Variants in MAGED2 observed in about 807,000 individuals in gnomAD.
MAGED2 encodes melanoma-associated antigen D2.
MAGED2 carries 6 observed loss-of-function variants against 41.7 expected under a neutral mutation model. The ratio of observed to expected loss-of-function variants is 0.14; its 90% CI spans 0.08 to 0.28. MAGED2 has a LOEUF of 0.28. Among genes scored for constraint, MAGED2 ranks in the 10% least tolerant of loss-of-function variants. The pLI is 1.00. For synonymous variants in MAGED2, 146 were observed against 178.2 expected (o/e 0.82, Z 1.44); for missense variants, 343 against 486.4 (o/e 0.71, Z 2.77).
chrX:54,815,289 A>T lies in MAGED2; in HGVS notation c.1428A>T (p.Arg476=), dbSNP rs1183540131. Residue 476 remains arginine, a synonymous_variant, in exon 12 of 13, where the codon CGA becomes CGT. Transcript: ENST00000375068. Reference sequence around the variant, plus strand: ...CCAAGGAATGGGCAGCTCAGTACCGAGAGGCGATGGAAGCGGATTTGAAGG... The same window carrying T: ...CCAAGGAATGGGCAGCTCAGTACCGTGAGGCGATGGAAGCGGATTTGAAGG... ...KDPKEWAAQY[R]EAMEADLKAA... is the part of the protein sequence containing the mutation. The T allele has an allele frequency of 8.6e-7, 1 of 1,167,427 alleles. No individual in the cohort carries two copies. Among genetic ancestry groups the T allele is most frequent in the South Asian group, 2.0e-5 (1 of 50,143 alleles).
Position 54,815,513 on chromosome X carries a change from C to A in MAGED2, c.1652C>A (p.Ala551Asp). The stretch of plus-strand genomic sequence containing the variant: ...GAGAGTGGCAGTGCCAGCACTGGTG[C>A]CAGTACCAGTACCAATAACAGTGCC... ...AQESGSASTG[A>D]STSTNNSASA... The change falls in exon 12 of 13, where the codon GCC becomes GAC. Residue 551 changes from alanine (A) to aspartate (D), a missense_variant. Ala to Asp is a moderately radical substitution (Grantham distance 126). Around this residue, in one of 3 missense-constraint regions of MAGED2, gnomAD observed 53 missense variants for 60.4 expected, o/e 0.88. Transcript: ENST00000375068. The A allele has an allele frequency of 8.4e-7, 1 of 1,190,281 alleles. No homozygotes were observed. The highest frequency in any genetic ancestry group is 2.3e-5 in the Admixed American group (1 of 43,681).
At position 54,813,491 on chromosome X, in the gene MAGED2, A is replaced by G. The variant is rs141904298; in HGVS notation, c.1212A>G (p.Ile404Met). ...ATTTTTCTTTTTCTTCTCTCAGGAT[A>G]CATCATTCACTCTTTGGGGACGTGA... The part of the protein sequence containing the change: ...VLRKLGLRPG[I>M]HHSLFGDVKK... Residue 404 changes from isoleucine (I) to methionine (M), a missense_variant, in exon 10 of 13, where the codon ATA becomes ATG. Around this residue, in one of 3 missense-constraint regions of MAGED2, gnomAD observed 95 missense variants for 204.8 expected, o/e 0.46. Coordinates refer to ENST00000375068, the MANE Select transcript of MAGED2 (RefSeq NM_177433.3). 86 of 1,200,265 alleles carry G rather than the reference A, an allele frequency of 7.2e-5. No individual in the cohort carries two copies. The highest frequency in any genetic ancestry group is 2.8e-4 in the Admixed American group (13 of 45,792).
chrX:54,812,734 A>G (rs778803180), intron 7 of MAGED2, among the ~76,000 whole-genome samples: 1 of 112,508 alleles, frequency 8.9e-6, no homozygotes, highest in Admixed American at 9.4e-5. Flanking sequence ...AACCCAGGGA[A>G]GGGAAAATAT....
chrX:54,813,650 T>C, intron 10 of MAGED2, 100 bp downstream of exon 10: 1 of 693,699 alleles, frequency 1.4e-6, no homozygotes, highest in Non-Finnish European at 2.2e-6. Context: ...TCTATGTGTG[T>C]ATGTATTTGC....
chrX:54,809,260 C>T (rs1016439776), intron 1 of MAGED2, 43 bp from the exon 2 acceptor site: 2 of 1,068,153 alleles, frequency 1.9e-6, no homozygotes, highest in Non-Finnish European at 2.6e-6. Flanking sequence ...GGGGAGAGGA[C>T]GTTCAGTGGG....
At position 54,809,436 on chromosome X, in the gene MAGED2, C is replaced by T. The variant is rs41315090; in HGVS notation, c.45+60C>T. ...TTCCTCTCCAGCCCTTGTTGCTGCC[C>T]CCAAGTCCCTTGGCTCTTCCCCTCC... On this transcript the variant is annotated intron_variant, in intron 2 of 12. Transcript: ENST00000375068. 7.8e-3 allele frequency: 8,400 copies of T among 1,075,972 alleles called. 27 individuals are homozygous for T. Among genetic ancestry groups the T allele is most frequent in the Non-Finnish European group, 9.3e-3 (7,174 of 773,643 alleles). 88.7% of individuals were successfully genotyped at this position (1,075,972 alleles called of 1,213,427 possible). A position where few individuals can be genotyped will look rare whatever the true frequency, so the allele number is the denominator to read the frequency against.
chrX:54,811,727 CG>C (rs1557216543), intron 6 of MAGED2, 74 bp downstream of exon 6: 1 of 791,997 alleles, frequency 1.3e-6, no homozygotes, highest in Non-Finnish European at 1.9e-6. Flanking sequence ...AGTCCCTTCT[CG>C]GGAACCAAAG....
chrX:54,814,323 G>T (rs1433077919), intron 10 of MAGED2: 1 of 410,765 alleles, frequency 2.4e-6, no homozygotes, highest in Non-Finnish European at 4.6e-6. Flanking sequence ...ATTTTCTGTG[G>T]TGGACCTTTC....
At chrX:54,815,750 G>A (rs1219733305) in intron 12 of MAGED2, 60 bp downstream of exon 12, 20 of 834,550 alleles carry the variant, frequency 2.4e-5, no homozygotes, top group Non-Finnish European at 3.4e-5. Flanking sequence ...TGAGGAGCTG[G>A]ATGATTCTAG....
intron 10 of MAGED2, 108 bp downstream of exon 10, chrX:54,813,658 T>G (rs184491586): frequency 4.7e-6 from 3 of 632,885 alleles, no homozygotes; most frequent in Non-Finnish European, 7.6e-6. Flanking sequence ...TGTATGTATT[T>G]GCATATTTGC....
At chrX:54,812,619 A>G (rs1157607058) in intron 7 of MAGED2, among the ~76,000 whole-genome samples, 1 of 112,006 alleles carries the variant, frequency 8.9e-6, no homozygotes, top group Non-Finnish European at 1.9e-5. Flanking sequence ...CATGAAGCGC[A>G]GGAGTGTCAG....
chrX:54,815,803 A>T (rs1267563409), intron 12 of MAGED2, 78 bp from the exon 13 acceptor site: 3 of 493,850 alleles, frequency 6.1e-6, no homozygotes, highest in African/African-American at 4.8e-5. Flanking sequence ...GTGCCAAGAC[A>T]CTGCTTTTGG....
chrX:54,811,010 C>A lies in MAGED2; in HGVS notation c.727C>A (p.Leu243Ile). ...RLAAWARRALLSLRSPKARRG... is the reference protein window; with the variant it reads ...RLAAWARRALISLRSPKARRG... ...GGCTGCTTGGGCCCGGAGAGCCTTG[C>A]TCTCCCTGAGATCACCTAAAGCCCG... The change falls in exon 4 of 13, where the codon CTC (leucine) becomes ATC (isoleucine). Residue 243 changes from leucine (L) to isoleucine (I), a missense_variant. Physicochemically the swap from Leu to Ile is conservative, Grantham distance 5. Around this residue, in one of 3 missense-constraint regions of MAGED2, gnomAD observed 195 missense variants for 221.2 expected, o/e 0.88. Transcript: ENST00000375068. The A allele has an allele frequency of 8.3e-7, 1 of 1,200,568 alleles. No individual in the cohort carries two copies. The highest frequency in any genetic ancestry group is 3.0e-5 in the East Asian group (1 of 33,323).
At chrX:54,808,940 G>A in intron 1 of MAGED2, 1 of 240,058 alleles carries the variant, frequency 4.2e-6, no homozygotes, top group South Asian at 6.4e-5. Context: ...TGCTGAATGC[G>A]CATGTGCACG....
chrX:54,814,810 G>A (rs1165278952), intron 11 of MAGED2, 35 bp downstream of exon 11: 1 of 1,076,571 alleles, frequency 9.3e-7, no homozygotes, highest in South Asian at 1.9e-5. Flanking sequence ...GGCAAGTCAA[G>A]AGCATGGGGT....
rs756025911 is a variant in MAGED2, at chrX:54,810,051, G to A, written c.375G>A (p.Lys125=). The part of the protein sequence containing the change: ...AVTMPATETK[K]VSHVADTKVN... ...CAATGCCTGCCACTGAGACCAAAAA[G>A]GTCAGCCATGTGGCTGATACAAAGG... Residue 125 remains lysine, a synonymous_variant, in exon 3 of 13, where the codon AAG becomes AAA. Transcript: ENST00000375068. The A allele has an allele frequency of 3.2e-5, 38 of 1,206,033 alleles. No individual in the cohort carries two copies. The highest frequency in any genetic ancestry group is 4.1e-5 in the Non-Finnish European group (37 of 893,296).
intron 8 of MAGED2, 23 bp downstream of exon 8, chrX:54,813,047 G>A (rs1468716108): frequency 8.3e-7 from 1 of 1,211,651 alleles, no homozygotes; most frequent in South Asian, 1.8e-5. Context: ...GCTTGCAGCT[G>A]AATGGGTGGC....
intron 3 of MAGED2, 94 bp from the exon 4 acceptor site, chrX:54,810,727 G>A: frequency 7.0e-6 from 5 of 718,880 alleles, no homozygotes; most frequent in East Asian, 3.4e-5. Context: ...TACTACAGGG[G>A]TGGGATTAGC....
rs747171863 is a variant in MAGED2 at position 54,815,620 on chromosome X, C to G, written c.1759C>G (p.Leu587Val). The part of the protein sequence containing the change: ...ATLTFGLFAG[L>V]GGAGASTSGS... Reference sequence around the variant, plus strand: ...TCTCACATTTGGGCTCTTCGCTGGCCTTGGTGGAGCTGGTGCCAGCACCAG... The same window carrying G: ...TCTCACATTTGGGCTCTTCGCTGGCGTTGGTGGAGCTGGTGCCAGCACCAG... Residue 587 changes from leucine (L) to valine (V), a missense_variant, in exon 12 of 13, where the codon CTT (leucine) becomes GTT (valine). By Grantham distance (32) the Leu-to-Val change is conservative. Around this residue, in one of 3 missense-constraint regions of MAGED2, gnomAD observed 53 missense variants for 60.4 expected, o/e 0.88. Transcript: ENST00000375068. 1.7e-6 allele frequency: 2 copies of G among 1,167,193 alleles called. No homozygotes were observed. The highest frequency in any genetic ancestry group is 3.8e-5 in the South Asian group (2 of 52,715).
Sources: allele counts gnomAD v4.1 joint callset (sites outside exome capture counted in the v4.1 genomes callset), GRCh38; gene constraint gnomAD v4.1.1; regional missense constraint gnomAD v4.1.1; transcripts MANE v1.5; gene names NCBI Gene and HGNC (gene_info 2026-07-23, HGNC 2026-07-21).